GAB4: variants seen among roughly 807,000 people sequenced by gnomAD.
GAB4 encodes GRB2 associated binding protein family member 4, also known as GRB2-associated-binding protein 4.
A neutral mutation model predicts 51.3 loss-of-function variants in GAB4; 26 were observed. That is an observed-to-expected ratio of 0.51 (90% confidence interval 0.37 to 0.70). GAB4 has a LOEUF of 0.70. GAB4 is among the 30% of genes least tolerant of loss of function. GAB4 has a pLI of 0.00. For synonymous variants in GAB4, 329 were observed against 291.2 expected (o/e 1.13, Z -1.32); for missense variants, 759 against 734.6 (o/e 1.03, Z -0.38).
intron 3 of GAB4, 36 bp from the exon 4 acceptor site, chr22:16,970,229 G>C (rs2060719532): frequency 6.2e-7 from 1 of 1,611,624 alleles, no homozygotes; most frequent in Non-Finnish European, 8.5e-7. Context: ...GCAGGGGTGA[G>C]AGGAGGCCAG....
In GAB4 at chr22:16,992,117, A is replaced by G; in HGVS notation, c.234T>C (p.Val78=). The change falls in exon 2 of 10, where the codon GTT becomes GTC. Residue 78 remains valine, a synonymous_variant. Transcript: ENST00000400588. ...RRGQTSSDPD[V]LEYYKNDGSK... is the part of the protein sequence containing the mutation. The stretch of plus-strand genomic sequence containing the variant: ...AGCCATCATTCTTGTAGTATTCCAG[A>G]ACATCTGGGTCACTGCTAGTCTGGC... The G allele has an allele frequency of 6.2e-7, 1 of 1,614,198 alleles. No homozygotes were observed. Among genetic ancestry groups the G allele is most frequent in the Non-Finnish European group, 8.5e-7 (1 of 1,180,024 alleles).
In GAB4 at chr22:16,966,218, A is replaced by G. The variant is rs200396257; in HGVS notation, c.1170T>C (p.Leu390=). 4.3e-4 allele frequency: 690 copies of G among 1,614,120 alleles called. No individual in the cohort carries two copies. The highest frequency in any genetic ancestry group is 6.6e-4 in the Middle Eastern group (4 of 6,062). The part of the protein sequence containing the change: ...QGVCIPVGSC[L]VRFDLLGSPL... ...GGGAGCCAAGCAGGTCAAAGCGAACAAGACATGAGCCCACAGGGATGCAGA... is the reference window on the plus strand; with the variant it reads ...GGGAGCCAAGCAGGTCAAAGCGAACGAGACATGAGCCCACAGGGATGCAGA... The change falls in exon 6 of 10, where the codon CTT becomes CTC. Residue 390 remains leucine (L), a synonymous_variant. Coordinates refer to ENST00000400588, the MANE Select transcript of GAB4 (RefSeq NM_001037814.1).
At chr22:16,970,761 A>G (rs1466535333) in intron 3 of GAB4, among the ~76,000 whole-genome samples, 1 of 152,222 alleles carries the variant, frequency 6.6e-6, no homozygotes, top group Non-Finnish European at 1.5e-5. Flanking sequence ...ATAAAGAACT[A>G]TTCAGACATA....
intron 3 of GAB4, among the ~76,000 whole-genome samples, chr22:16,983,843 GA>G (rs1387813633): frequency 6.6e-6 from 1 of 152,156 alleles, no homozygotes; most frequent in Non-Finnish European, 1.5e-5. Context: ...CTGAAACCAT[GA>G]AACATGTAGA....
Position 17,008,184 on chromosome 22 carries a change from G to C in GAB4, c.-70C>G. On this transcript the variant is annotated 5_prime_UTR_variant, in exon 1 of 10. Transcript: ENST00000400588. Reference sequence around the variant, plus strand: ...GGCGTTGCTGGAGGTGGGGTGTGAGGGACGGCTTGCGATACCCTGGGACTG... The same window carrying C: ...GGCGTTGCTGGAGGTGGGGTGTGAGCGACGGCTTGCGATACCCTGGGACTG... The C allele has an allele frequency of 8.7e-7, 1 of 1,152,890 alleles. No individual in the cohort carries two copies. Among genetic ancestry groups the C allele is most frequent in the Non-Finnish European group, 1.3e-6 (1 of 799,186 alleles). The allele number at this position is 1,152,890 out of a possible 1,614,324, so 71.4% of individuals were successfully genotyped here. A position where few individuals can be genotyped will look rare whatever the true frequency, so the allele number is the denominator to read the frequency against.
chr22:16,970,112 A>T lies in GAB4; in HGVS notation c.768T>A (p.Ser256Arg), dbSNP rs1305191104. 3.1e-6 allele frequency: 5 copies of T among 1,614,126 alleles called. No individual in the cohort carries two copies. The highest frequency in any genetic ancestry group is 2.5e-6 in the Non-Finnish European group (3 of 1,180,024). ...CGCTGACCCCATCAACACTGTATCC[A>T]CTGTGCTGGGCAAGATTTTGCATGG... ...NTAMQNLAQH[S>R]GYSVDGVSGH... The change falls in exon 4 of 10, where the codon AGT becomes AGA. Residue 256 changes from serine to arginine, a missense_variant. Ser to Arg is a moderately radical substitution (Grantham distance 110). Around this residue, in one of 3 missense-constraint regions of GAB4, gnomAD observed 588 missense variants for 510.2 expected, o/e 1.15. Transcript: ENST00000400588.
chr22:16,974,065 C>T (rs1020764164), intron 3 of GAB4, among the ~76,000 whole-genome samples: 1 of 152,186 alleles, frequency 6.6e-6, no homozygotes, highest in Non-Finnish European at 1.5e-5. Flanking sequence ...GCCAACAACA[C>T]CCAGGGCTCT....
intron 3 of GAB4, among the ~76,000 whole-genome samples, chr22:16,981,806 CAA>C (rs2060829520): frequency 6.6e-6 from 1 of 151,698 alleles, no homozygotes; most frequent in African/African-American, 2.4e-5. Flanking sequence ...AAAGATACAA[CAA>C]AAAAAGAAAA....
In GAB4 at chr22:16,964,805, G is replaced by A; in HGVS notation, c.1437C>T (p.Asn479=). ...TCTCTCCACTGTCTTCTGAGTCTGT[G>A]TTGGTGATGCTCTGCGTGGAGATGG... The part of the protein sequence containing the change: ...QHPISTQSIT[N]TDSEDSGERY... The change falls in exon 8 of 10, where the codon AAC becomes AAT. Residue 479 remains asparagine (N), a synonymous_variant. Coordinates refer to ENST00000400588, the MANE Select transcript of GAB4 (RefSeq NM_001037814.1). The A allele has an allele frequency of 1.2e-6, 2 of 1,614,024 alleles. No individual in the cohort carries two copies. Among genetic ancestry groups the A allele is most frequent in the Non-Finnish European group, 1.7e-6 (2 of 1,179,922 alleles).
In GAB4 at chr22:16,962,736, C is replaced by A; in HGVS notation, c.1722G>T (p.Leu574=). The A allele has an allele frequency of 6.2e-7, 1 of 1,610,344 alleles. No homozygotes were observed. The highest frequency in any genetic ancestry group is 8.5e-7 in the Non-Finnish European group (1 of 1,179,162). Residue 574 remains leucine (L), a synonymous_variant, in exon 10 of 10, where the codon CTG becomes CTT. Transcript: ENST00000400588. The part of the protein sequence containing the change: ...QSSEPPRGAK[L] The stretch of plus-strand genomic sequence containing the variant: ...ACTCTGGTTTTGGTGGCCCGAGTCA[C>A]AGCTTGGCGCCCCTGGGAGGCTCTG...
intron 9 of GAB4, 37 bp downstream of exon 9, chr22:16,963,688 C>G: frequency 6.6e-7 from 1 of 1,517,380 alleles, no homozygotes; most frequent in Non-Finnish European, 9.1e-7. Flanking sequence ...CCCCAGGGCC[C>G]AAGGGCTCTG....
At chr22:16,984,096 C>A (rs2060847664) in intron 3 of GAB4, among the ~76,000 whole-genome samples, 1 of 152,092 alleles carries the variant, frequency 6.6e-6, no homozygotes, top group African/African-American at 2.4e-5. Flanking sequence ...ACTCTAACAA[C>A]TCAATGGACA....
intron 5 of GAB4, chr22:16,966,921 A>G (rs905552963): frequency 1.3e-5 from 2 of 155,064 alleles, no homozygotes; most frequent in African/African-American, 4.8e-5. Flanking sequence ...TGGTCTGAGA[A>G]AGTTAAAACT....
intron 1 of GAB4, among the ~76,000 whole-genome samples, chr22:17,006,960 C>T (rs993984331): frequency 6.6e-6 from 1 of 152,048 alleles, no homozygotes; most frequent in African/African-American, 2.4e-5. Flanking sequence ...ATGTATGTAA[C>T]AAACCTCCAC....
At chr22:16,980,019 T>C (rs145114812) in intron 3 of GAB4, among the ~76,000 whole-genome samples, 3,367 of 152,170 alleles carry the variant, frequency 0.022, 59 homozygotes, top group Middle Eastern at 0.068. Flanking sequence ...TCAAGATGGA[T>C]TACAGACTTA....
At chr22:16,977,950 T>C (rs1194543309) in intron 3 of GAB4, among the ~76,000 whole-genome samples, 1 of 151,280 alleles carries the variant, frequency 6.6e-6, no homozygotes, top group Non-Finnish European at 1.5e-5. Context: ...ATAACGAAAA[T>C]AAGGCAGAAA....
intron 3 of GAB4, among the ~76,000 whole-genome samples, chr22:16,987,302 G>A (rs1468564973): frequency 6.6e-6 from 1 of 152,200 alleles, no homozygotes; most frequent in South Asian, 2.1e-4. Context: ...GGAATAACAG[G>A]TGATAAAACT....
intron 3 of GAB4, among the ~76,000 whole-genome samples, chr22:16,981,949 A>G (rs2060830738): frequency 6.6e-6 from 1 of 152,234 alleles, no homozygotes; most frequent in Non-Finnish European, 1.5e-5. Flanking sequence ...AATAGATTCA[A>G]AAACAAAAAC....
chr22:16,963,361 A>G (rs1477808069), intron 9 of GAB4, among the ~76,000 whole-genome samples: 7 of 152,250 alleles, frequency 4.6e-5, no homozygotes, highest in East Asian at 3.9e-4. Context: ...GGTCCCCCGC[A>G]TCAATGGCCG....
Sources: allele counts gnomAD v4.1 joint callset (sites outside exome capture counted in the v4.1 genomes callset), GRCh38; gene constraint gnomAD v4.1.1; regional missense constraint gnomAD v4.1.1; transcripts MANE v1.5; gene names NCBI Gene and HGNC (gene_info 2026-07-23, HGNC 2026-07-21).